The following PCDH15 variants were observed in gnomAD, a reference collection of about 807,000 sequenced individuals.
The protein encoded by PCDH15 is protocadherin-15.
PCDH15 carries 129 observed loss-of-function variants against 178.5 expected under a neutral mutation model. The ratio of observed to expected loss-of-function variants is 0.72; its 90% CI spans 0.63 to 0.84. PCDH15 has a LOEUF of 0.84. PCDH15 is among the 40% of genes least tolerant of loss of function. The pLI is 0.00. For synonymous variants in PCDH15, 800 were observed against 732.0 expected (o/e 1.09, Z -1.50); for missense variants, 2,230 against 2,099.9 (o/e 1.06, Z -1.21).
chr10:54,366,572 T>C (rs547462874), intron 5 of PCDH15, among the ~76,000 whole-genome samples: 8 of 152,186 alleles, frequency 5.3e-5, no homozygotes, highest in Admixed American at 3.9e-4. Context: ...TCATGTCAAC[T>C]AAACCAATAG....
intron 26 of PCDH15, among the ~76,000 whole-genome samples, chr10:53,886,593 CTCTTTTT>C (rs2081113878): frequency 9.2e-6 from 1 of 108,972 alleles, no homozygotes; most frequent in Non-Finnish European, 1.7e-5. Flanking sequence ...ACATGTATGC[CTCTTTTT>C]TTTTTTTTTT....
chr10:53,975,225 A>AAAGTGCAGTGATGAACATAT (rs2090088518), intron 21 of PCDH15, among the ~76,000 whole-genome samples: 1 of 152,186 alleles, frequency 6.6e-6, no homozygotes, highest in Admixed American at 6.5e-5. Context: ...GCTATTGTGA[A>AAAGTGCAGTGATGAACATAT]AAGTGCAGTG....
At chr10:54,748,503 C>T (rs1367982060) in intron 1 of PCDH15, among the ~76,000 whole-genome samples, 1 of 152,130 alleles carries the variant, frequency 6.6e-6, no homozygotes, top group Non-Finnish European at 1.5e-5. Context: ...AGAGAGATAA[C>T]TGTCCATACC....
chr10:54,322,803 G>A (rs2061695246), intron 7 of PCDH15, among the ~76,000 whole-genome samples: 1 of 151,962 alleles, frequency 6.6e-6, no homozygotes, highest in Non-Finnish European at 1.5e-5. Context: ...ATTGGCTTTA[G>A]CAAGGATTTC....
At chr10:54,560,256 A>C (rs1488190188) in intron 2 of PCDH15, among the ~76,000 whole-genome samples, 1 of 152,064 alleles carries the variant, frequency 6.6e-6, no homozygotes, top group Non-Finnish European at 1.5e-5. Context: ...AATTACCATA[A>C]TAATGTTCTC....
At chr10:54,892,684 A>G (rs1245065265) in intron 3 of PCDH15, among the ~76,000 whole-genome samples, 2 of 151,004 alleles carry the variant, frequency 1.3e-5, no homozygotes, top group Non-Finnish European at 3.0e-5. Flanking sequence ...TGAATTAGAG[A>G]GATTAATTGA....
intron 37 of PCDH15, chr10:53,809,183 C>A (rs1322114569): frequency 2.5e-6 from 4 of 1,613,952 alleles, no homozygotes; most frequent in Non-Finnish European, 3.4e-6. Flanking sequence ...GATTCCTCTT[C>A]TGTAGTCTCA....
chr10:53,827,449 C>CGGCGGT lies in PCDH15; in HGVS notation c.4310_4311insACCGCC (p.Pro1442_Pro1443dup). On this transcript the variant is annotated inframe_insertion, in exon 32 of 38. Coordinates refer to ENST00000644397, the MANE Select transcript of PCDH15 (RefSeq NM_001384140.1). Reference sequence around the variant, plus strand: ...GCGCACCTGGCGGAGGCGGCGGCGGCGGCGGGGGCGCTGCCACTGGTGCAG... The same window carrying CGGCGGT: ...GCGCACCTGGCGGAGGCGGCGGCGGCGGCGGTGGCGGGGGCGCTGCCACTGGTGCAG... 2 of 1,613,142 alleles carry CGGCGGT rather than the reference C, an allele frequency of 1.2e-6. No individual in the cohort carries two copies. Among genetic ancestry groups the CGGCGGT allele is most frequent in the Non-Finnish European group, 1.7e-6 (2 of 1,179,534 alleles).
chr10:54,884,300 A>G (rs6481124), intron 3 of PCDH15, among the ~76,000 whole-genome samples: 94,405 of 151,494 alleles, frequency 0.62, 29,825 homozygotes, highest in African/African-American at 0.73. Context: ...AAGGCTATCA[A>G]TGCTAATTGC....
chr10:54,115,903 A>C (rs149623703), intron 15 of PCDH15, among the ~76,000 whole-genome samples: 50 of 152,344 alleles, frequency 3.3e-4, no homozygotes, highest in African/African-American at 1.2e-3. Flanking sequence ...TAAACTAGAC[A>C]TTTGAATTAG....
chr10:54,174,137 A>G (rs1233459757), intron 13 of PCDH15, among the ~76,000 whole-genome samples: 5 of 152,246 alleles, frequency 3.3e-5, no homozygotes, highest in Non-Finnish European at 7.3e-5. Flanking sequence ...AATGTAATAT[A>G]GCCCACTGGC....
intron 18 of PCDH15, among the ~76,000 whole-genome samples, chr10:54,037,543 C>A (rs1047852325): frequency 2.1e-5 from 2 of 94,880 alleles, no homozygotes; most frequent in Non-Finnish European, 6.1e-5. Context: ...CACTGTTTTT[C>A]AGACACAATG....
At chr10:55,224,027 G>T (rs1840958156) in intron 1 of PCDH15, among the ~76,000 whole-genome samples, 1 of 151,990 alleles carries the variant, frequency 6.6e-6, no homozygotes, top group Non-Finnish European at 1.5e-5. Flanking sequence ...TAAGGCAGGT[G>T]AATCACTTGA....
At chr10:54,345,031 A>C (rs34592098) in intron 6 of PCDH15, among the ~76,000 whole-genome samples, 7,843 of 150,098 alleles carry the variant, frequency 0.052, 245 homozygotes, top group Admixed American at 0.092. Flanking sequence ...CACAGCCAGT[A>C]CAAGTTTTTT....
At position 53,963,773 on chromosome 10, in the gene PCDH15, T is replaced by C. The variant is rs148935490; in HGVS notation, c.2869-1881A>G. On this transcript the variant is annotated intron_variant, in intron 21 of 37. Transcript: ENST00000644397. ...CTTAAGCCCCATAGCCAAATCATCA[T>C]CACATCCTGCCAATACCTCAATGAG... Among the ~76,000 whole-genome samples the C allele has an allele frequency of 1.8e-3, 278 of 152,258 alleles. 2 individuals are homozygous for C. Among genetic ancestry groups the C allele is most frequent in the African/African-American group, 6.5e-3 (269 of 41,564 alleles).
At chr10:55,533,274 C>A (rs1037006033) in intron 2 of PCDH15, among the ~76,000 whole-genome samples, 3 of 152,022 alleles carry the variant, frequency 2.0e-5, no homozygotes, top group Non-Finnish European at 4.4e-5. Flanking sequence ...ATAGAAAGTT[C>A]TCTTCTCAAG....
At chr10:54,406,837 C>CCTGCTATGAAGGTTATGCTTCTTA (rs1410482242) in intron 3 of PCDH15, among the ~76,000 whole-genome samples, 2 of 152,100 alleles carry the variant, frequency 1.3e-5, no homozygotes, top group Non-Finnish European at 1.5e-5. Context: ...ATCTTCATAA[C>CCTGCTATGAAGGTTATGCTTCTTA]CTGCTATGAA....
intron 1 of PCDH15, among the ~76,000 whole-genome samples, chr10:54,669,454 C>T (rs2094622957): frequency 6.6e-6 from 1 of 150,632 alleles, no homozygotes. Flanking sequence ...TACATAGTCA[C>T]ATATACAATT....
intron 2 of PCDH15, among the ~76,000 whole-genome samples, chr10:55,579,611 A>G (rs1217650933): frequency 6.6e-6 from 1 of 152,208 alleles, no homozygotes; most frequent in Non-Finnish European, 1.5e-5. Flanking sequence ...TATGGAAGGA[A>G]GCAAAAATAT....
Sources: gnomAD v4.1 joint callset for allele counts (sites outside exome capture counted in the v4.1 genomes callset) on GRCh38, gnomAD v4.1.1 for gene constraint, MANE v1.5 for transcripts, NCBI Gene and HGNC (gene_info 2026-07-23, HGNC 2026-07-21) for gene names.